KCNH7: variants seen among roughly 807,000 people sequenced by gnomAD.
The protein encoded by KCNH7 is potassium voltage-gated channel subfamily H member 7.
In KCNH7, 49 loss-of-function variants were observed where a neutral mutation model predicts 120.8. That is an observed-to-expected ratio of 0.41 (90% confidence interval 0.32 to 0.51). KCNH7 has a LOEUF of 0.51. KCNH7 is among the 20% of genes least tolerant of loss of function. The pLI, the probability that KCNH7 is intolerant of heterozygous loss-of-function variation, is 0.38. For missense variants in KCNH7, 1,097 were observed against 1,446.6 expected, an observed-to-expected ratio of 0.76 and a Z score of 3.92; for synonymous variants, 547 against 516.1, an observed-to-expected ratio of 1.06 and a Z score of -0.81.
intron 6 of KCNH7, among the ~76,000 whole-genome samples, chr2:162,480,982 A>C (rs1035749294): frequency 6.6e-5 from 10 of 152,118 alleles, no homozygotes; most frequent in Non-Finnish European, 1.3e-4. Context: ...ACTGCCTTGC[A>C]CCTGCTACCT....
chr2:162,693,107 TGTTTTG>T (rs1403115012), intron 2 of KCNH7, among the ~76,000 whole-genome samples: 3 of 152,148 alleles, frequency 2.0e-5, no homozygotes, highest in African/African-American at 7.2e-5. Flanking sequence ...AAAAAGAAGA[TGTTTTG>T]GGAGAAAGGG....
chr2:162,570,111 T>C (rs1283172734), intron 2 of KCNH7, among the ~76,000 whole-genome samples: 1 of 148,956 alleles, frequency 6.7e-6, no homozygotes, highest in African/African-American at 2.5e-5. Flanking sequence ...CGTTGATCTG[T>C]CTAATGTTGA....
At chr2:162,760,252 G>A (rs1688922903) in intron 2 of KCNH7, among the ~76,000 whole-genome samples, 1 of 152,016 alleles carries the variant, frequency 6.6e-6, no homozygotes, top group Non-Finnish European at 1.5e-5. Flanking sequence ...AAAGTCTCAA[G>A]TAGAAAAACA....
intron 2 of KCNH7, among the ~76,000 whole-genome samples, chr2:162,573,577 A>T (rs1393980521): frequency 6.6e-6 from 1 of 152,018 alleles, no homozygotes; most frequent in Non-Finnish European, 1.5e-5. Flanking sequence ...TATTATTTTA[A>T]TATACCTGTA....
At chr2:162,493,133 T>C (rs1010632856) in intron 6 of KCNH7, among the ~76,000 whole-genome samples, 3 of 152,138 alleles carry the variant, frequency 2.0e-5, no homozygotes, top group Non-Finnish European at 4.4e-5. Context: ...GTATGCCTGC[T>C]TTTTGGCCTG....
At chr2:162,620,353 C>A (rs10172470) in intron 2 of KCNH7, among the ~76,000 whole-genome samples, 4 of 151,574 alleles carry the variant, frequency 2.6e-5, no homozygotes, top group African/African-American at 9.7e-5. Context: ...GTCATCTTGG[C>A]CCAGAAATTG....
At chr2:162,490,858 C>G (rs1660554065) in intron 6 of KCNH7, among the ~76,000 whole-genome samples, 1 of 152,196 alleles carries the variant, frequency 6.6e-6, no homozygotes, top group Admixed American at 6.5e-5. Context: ...GTAGAATGAG[C>G]ATTTGGCCAA....
intron 2 of KCNH7, among the ~76,000 whole-genome samples, chr2:162,627,880 G>A (rs980514586): frequency 6.3e-5 from 9 of 141,820 alleles, no homozygotes; most frequent in Non-Finnish European, 1.4e-4. Context: ...TGTGCTGAGT[G>A]TGCACCTAGA....
intron 9 of KCNH7, among the ~76,000 whole-genome samples, chr2:162,413,003 C>T (rs1162700060): frequency 6.6e-6 from 1 of 152,028 alleles, no homozygotes; most frequent in Non-Finnish European, 1.5e-5. Context: ...TTTAAAAAGT[C>T]ATATATTTTT....
intron 2 of KCNH7, among the ~76,000 whole-genome samples, chr2:162,561,636 T>C (rs535380434): frequency 6.6e-6 from 1 of 152,338 alleles, no homozygotes; most frequent in South Asian, 2.1e-4. Flanking sequence ...ATTTCTCTAA[T>C]GACCAGTGAT....
chr2:162,511,808 C>T (rs984902207), intron 5 of KCNH7, among the ~76,000 whole-genome samples: 1 of 151,694 alleles, frequency 6.6e-6, no homozygotes, highest in Non-Finnish European at 1.5e-5. Context: ...TAAGTAATGA[C>T]GGTTACTGGT....
intron 2 of KCNH7, among the ~76,000 whole-genome samples, chr2:162,786,138 G>C (rs990425247): frequency 1.3e-5 from 2 of 151,814 alleles, no homozygotes; most frequent in African/African-American, 4.8e-5. Flanking sequence ...AGCTACTCAG[G>C]GGGCTGAGGC....
chr2:162,438,861 G>A (rs1369190576), intron 7 of KCNH7, among the ~76,000 whole-genome samples: 1 of 152,024 alleles, frequency 6.6e-6, no homozygotes, highest in Non-Finnish European at 1.5e-5. Context: ...AAGGTGTCTT[G>A]CCCCAGATTG....
rs79437083 is a variant in KCNH7, at chr2:162,819,185, T to A, written c.307+17352A>T. On this transcript the variant is annotated intron_variant, in intron 2 of 15. Transcript: ENST00000332142. ...GATCTAAAGGACAATATGAGGAAAT[T>A]GGAAAAATTTATAGAGTCTATTAGA... 0.011 allele frequency among the ~76,000 whole-genome samples: 1,735 copies of A among 152,238 alleles called. 69 individuals are homozygous for A. The East Asian group carries it at 0.13, about 12-fold the overall frequency.
chr2:162,491,121 T>A (rs1344176663), intron 6 of KCNH7, among the ~76,000 whole-genome samples: 3 of 152,180 alleles, frequency 2.0e-5, no homozygotes, highest in African/African-American at 7.2e-5. Flanking sequence ...GGCCAGCATT[T>A]CCCACTCTCC....
chr2:162,682,750 A>G (rs1559079909), intron 2 of KCNH7, among the ~76,000 whole-genome samples: 1 of 151,850 alleles, frequency 6.6e-6, no homozygotes, highest in African/African-American at 2.4e-5. Flanking sequence ...AGCAAATTGT[A>G]AAGTATAGAC....
intron 6 of KCNH7, among the ~76,000 whole-genome samples, chr2:162,447,459 G>A (rs751673081): frequency 6.6e-6 from 1 of 152,032 alleles, no homozygotes; most frequent in African/African-American, 2.4e-5. Flanking sequence ...ATTTTGTAAT[G>A]GCTCCACAAA....
chr2:162,736,882 C>CT (rs1037143972), intron 2 of KCNH7, among the ~76,000 whole-genome samples: 26 of 151,800 alleles, frequency 1.7e-4, no homozygotes, highest in East Asian at 5.8e-4. Flanking sequence ...TAAAAAATAA[C>CT]TTTTTTTTTC....
At chr2:162,781,796 T>G (rs1227236892) in intron 2 of KCNH7, among the ~76,000 whole-genome samples, 1 of 152,144 alleles carries the variant, frequency 6.6e-6, no homozygotes, top group Non-Finnish European at 1.5e-5. Context: ...AAATGATTAA[T>G]TCAAGACTTC....
Sources: gnomAD v4.1 joint callset for allele counts (sites outside exome capture counted in the v4.1 genomes callset) on GRCh38, gnomAD v4.1.1 for gene constraint, MANE v1.5 for transcripts, NCBI Gene and HGNC (gene_info 2026-07-23, HGNC 2026-07-21) for gene names.